The following ARL8B variants were observed in gnomAD, a reference collection of about 807,000 sequenced individuals.
The protein encoded by ARL8B is ARF like GTPase 8B, also known as ADP-ribosylation factor-like protein 8B.
ARL8B carries 9 observed loss-of-function variants against 30.6 expected under a neutral mutation model. The observed-to-expected ratio is 0.29, with a 90% CI of 0.18 to 0.51. The LOEUF is 0.51. Among genes scored for constraint, ARL8B ranks in the 20% least tolerant of loss-of-function variants. The pLI is 0.97. For synonymous variants in ARL8B, 74 were observed against 76.0 expected (o/e 0.97, Z 0.14); for missense variants, 130 against 227.2 (o/e 0.57, Z 2.75).
intron 1 of ARL8B, among the ~76,000 whole-genome samples, chr3:5,158,569 G>T (rs1212271249): frequency 1.3e-5 from 2 of 152,210 alleles, no homozygotes; most frequent in Admixed American, 1.3e-4. Context: ...CACACTGATA[G>T]GCAAGAGGTA....
intron 1 of ARL8B, among the ~76,000 whole-genome samples, chr3:5,139,802 C>G (rs966094138): frequency 5.9e-5 from 9 of 152,116 alleles, no homozygotes; most frequent in African/African-American, 2.2e-4. Context: ...GAAGTAGTTA[C>G]TGGATGATGT....
At chr3:5,154,387 T>C (rs2054514532) in intron 1 of ARL8B, among the ~76,000 whole-genome samples, 1 of 150,922 alleles carries the variant, frequency 6.6e-6, no homozygotes, top group East Asian at 1.9e-4. Flanking sequence ...GAGGGTGGAG[T>C]GCACTGGTAC....
chr3:5,130,963 G>T (rs1319508746), intron 1 of ARL8B, among the ~76,000 whole-genome samples: 1 of 150,958 alleles, frequency 6.6e-6, no homozygotes, highest in Non-Finnish European at 1.5e-5. Context: ...TTTTTGAGAT[G>T]GAGTCTCACT....
intron 1 of ARL8B, among the ~76,000 whole-genome samples, chr3:5,143,076 GT>G (rs1430670979): frequency 6.6e-6 from 1 of 152,194 alleles, no homozygotes; most frequent in Non-Finnish European, 1.5e-5. Context: ...GGGCAAAGAT[GT>G]TTATTCACTT....
At chr3:5,155,280 TATTG>T (rs1172896904) in intron 1 of ARL8B, among the ~76,000 whole-genome samples, 4 of 152,224 alleles carry the variant, frequency 2.6e-5, no homozygotes, top group Non-Finnish European at 4.4e-5. Flanking sequence ...CTGCTGCTAC[TATTG>T]ATTATTTATA....
At chr3:5,124,711 C>G (rs1417705635) in intron 1 of ARL8B, among the ~76,000 whole-genome samples, 1 of 152,142 alleles carries the variant, frequency 6.6e-6, no homozygotes. Flanking sequence ...CTCCTGGCCT[C>G]AAGCAGTCTT....
In ARL8B at chr3:5,172,130, T is replaced by C; in HGVS notation, c.205-20T>C. ...TAATTAAAATATCTTTATTAAGAAT[T>C]GCCTTGTTTTGATTTAAAGATCTGG... On this transcript the variant is annotated intron_variant, in intron 2 of 6. Transcript: ENST00000256496. 2 of 1,599,054 alleles carry C rather than the reference T, an allele frequency of 1.3e-6. No individual in the cohort carries two copies. Among genetic ancestry groups the C allele is most frequent in the Non-Finnish European group, 1.7e-6 (2 of 1,169,342 alleles).
chr3:5,138,832 T>C (rs2054348614), intron 1 of ARL8B, among the ~76,000 whole-genome samples: 1 of 152,194 alleles, frequency 6.6e-6, no homozygotes, highest in African/African-American at 2.4e-5. Context: ...TGTGAAACAA[T>C]GTCGAAAGCA....
At chr3:5,135,245 A>G (rs1020843707) in intron 1 of ARL8B, among the ~76,000 whole-genome samples, 18 of 152,284 alleles carry the variant, frequency 1.2e-4, no homozygotes, top group African/African-American at 3.8e-4. Flanking sequence ...AAGAACGTTC[A>G]GTAAAAATTA....
At chr3:5,127,747 CCTG>C (rs1483079925) in intron 1 of ARL8B, among the ~76,000 whole-genome samples, 1 of 151,820 alleles carries the variant, frequency 6.6e-6, no homozygotes, top group Non-Finnish European at 1.5e-5. Flanking sequence ...GTGGTGGGCA[CCTG>C]TAGTCCCAGC....
At chr3:5,170,262 T>C (rs1264912816) in intron 1 of ARL8B, among the ~76,000 whole-genome samples, 1 of 152,222 alleles carries the variant, frequency 6.6e-6, no homozygotes, top group African/African-American at 2.4e-5. Context: ...TAAGGAAATA[T>C]GTAAAAAATT....
At chr3:5,155,813 C>T (rs1421885569) in intron 1 of ARL8B, among the ~76,000 whole-genome samples, 3 of 148,698 alleles carry the variant, frequency 2.0e-5, no homozygotes, top group Non-Finnish European at 4.5e-5. Flanking sequence ...CTATTTTGTT[C>T]GTACATAGTT....
intron 1 of ARL8B, among the ~76,000 whole-genome samples, chr3:5,140,453 C>T (rs3887040): frequency 0.041 from 6,221 of 152,200 alleles, 424 homozygotes; most frequent in African/African-American, 0.14. Flanking sequence ...GAGGCCTCCC[C>T]AGCCATGTGG....
intron 1 of ARL8B, among the ~76,000 whole-genome samples, chr3:5,133,632 A>G (rs182680118): frequency 6.6e-6 from 1 of 152,244 alleles, no homozygotes; most frequent in East Asian, 1.9e-4. Context: ...TTGAGTATAA[A>G]TTGTATTACA....
chr3:5,159,447 A>G (rs2054561244), intron 1 of ARL8B, among the ~76,000 whole-genome samples: 1 of 151,710 alleles, frequency 6.6e-6, no homozygotes, highest in Non-Finnish European at 1.5e-5. Flanking sequence ...TACTGAAAAT[A>G]CAAAATTAGC....
chr3:5,144,636 G>A (rs780098583), intron 1 of ARL8B, among the ~76,000 whole-genome samples: 2 of 152,148 alleles, frequency 1.3e-5, no homozygotes, highest in Non-Finnish European at 2.9e-5. Context: ...CTGGTAAACT[G>A]GGGCCTTAAT....
chr3:5,178,329 G>A (rs1220196108), intron 6 of ARL8B, among the ~76,000 whole-genome samples: 1 of 149,604 alleles, frequency 6.7e-6, no homozygotes, highest in Non-Finnish European at 1.5e-5. Context: ...AAAGCGCCTT[G>A]AGGGCAAACA....
intron 1 of ARL8B, chr3:5,157,046 A>G (rs946683601): frequency 1.3e-5 from 2 of 152,118 alleles, no homozygotes; most frequent in African/African-American, 4.8e-5. Flanking sequence ...TTGATTTGTT[A>G]TTTTGTTTTG....
chr3:5,168,049 C>A (rs2054639291), intron 1 of ARL8B, among the ~76,000 whole-genome samples: 1 of 151,254 alleles, frequency 6.6e-6, no homozygotes, highest in East Asian at 1.9e-4. Context: ...GCATTTTCCT[C>A]CTTCATGGCC....
Sources: gnomAD v4.1 joint callset for allele counts (sites outside exome capture counted in the v4.1 genomes callset) on GRCh38, gnomAD v4.1.1 for gene constraint, MANE v1.5 for transcripts, NCBI Gene and HGNC (gene_info 2026-07-23, HGNC 2026-07-21) for gene names.